The following LASP1 variants were observed in gnomAD, a reference collection of about 807,000 sequenced individuals.
The protein encoded by LASP1 is LIM and SH3 domain protein 1.
Under a neutral mutation model 38.6 loss-of-function variants are expected in LASP1, and 10 were observed. The ratio of observed to expected loss-of-function variants is 0.26; its 90% CI spans 0.16 to 0.44. The LOEUF is 0.44. Among genes scored for constraint, LASP1 ranks in the 20% least tolerant of loss-of-function variants. The pLI is 1.00. For synonymous variants in LASP1, 132 were observed against 140.8 expected, an observed-to-expected ratio of 0.94 and a Z score of 0.44; for missense variants, 243 against 375.7, an observed-to-expected ratio of 0.65 and a Z score of 2.92.
intron 4 of LASP1, among the ~76,000 whole-genome samples, chr17:38,901,882 C>CAGCCTCGTGAGT (rs1457452520): frequency 6.6e-6 from 1 of 152,106 alleles, no homozygotes; most frequent in Non-Finnish European, 1.5e-5. Context: ...TCTGCTGCCT[C>CAGCCTCGTGAGT]AGCCTCGTGA....
chr17:38,889,424 C>T (rs940937525), intron 2 of LASP1, among the ~76,000 whole-genome samples: 4 of 152,174 alleles, frequency 2.6e-5, no homozygotes, highest in Non-Finnish European at 4.4e-5. Context: ...GCCACTGCGC[C>T]CGGCCTAATT....
chr17:38,920,170 C>T lies in LASP1; in HGVS notation c.*1392C>T, dbSNP rs1915259818. 5.7e-6 allele frequency: 3 copies of T among 528,728 alleles called. No homozygotes were observed. 32.8% of individuals were successfully genotyped at this position (528,728 alleles called of 1,614,324 possible). A position where few individuals can be genotyped will look rare whatever the true frequency, so the allele number is the denominator to read the frequency against. On this transcript the variant is annotated 3_prime_UTR_variant, in exon 7 of 7. Coordinates refer to ENST00000318008, the MANE Select transcript of LASP1 (RefSeq NM_006148.4). ...GGGCTGCCATAGGGTCTGCAGCCTG[C>T]TGGGGCTAAGCGGTGGAGGAAGGCT...
chr17:38,894,798 C>T (rs1268546399), intron 3 of LASP1, among the ~76,000 whole-genome samples: 2 of 152,120 alleles, frequency 1.3e-5, no homozygotes, highest in Non-Finnish European at 1.5e-5. Flanking sequence ...AATGCAGTGG[C>T]GTGATCTTGG....
intron 3 of LASP1, chr17:38,897,038 A>G (rs537710219): frequency 1.0e-5 from 10 of 985,366 alleles, no homozygotes; most frequent in Admixed American, 1.2e-4. Flanking sequence ...GTGCTGGCCC[A>G]GGGCTTCCAG....
In LASP1 at chr17:38,918,825, T is replaced by TCCGTCCTGGGCGTGAC; in HGVS notation, c.*54_*69dup. 1.2e-6 allele frequency: 2 copies of TCCGTCCTGGGCGTGAC among 1,600,672 alleles called. No homozygotes were observed. On this transcript the variant is annotated 3_prime_UTR_variant, in exon 7 of 7. Coordinates refer to ENST00000318008, the MANE Select transcript of LASP1 (RefSeq NM_006148.4). The surrounding 1 kb of genome is among the most constrained non-coding windows in gnomAD (Gnocchi z 4.4). ...CTTCAGCACATTCCACGGCATCGCA[T>TCCGTCCTGGGCGTGAC]CCGTCCTGGGCGTGACCCGTCCATT... is the stretch of plus-strand genomic sequence containing the variant.
At chr17:38,897,581 T>C (rs1037383703) in intron 3 of LASP1, among the ~76,000 whole-genome samples, 3 of 152,234 alleles carry the variant, frequency 2.0e-5, no homozygotes, top group Admixed American at 6.5e-5. Context: ...TCAATTCCTT[T>C]CGTGCCAGGG....
intron 3 of LASP1, among the ~76,000 whole-genome samples, chr17:38,891,202 G>A (rs1221069173): frequency 8.6e-5 from 13 of 151,796 alleles, no homozygotes; most frequent in Admixed American, 8.5e-4. Context: ...ATGAGGTGGG[G>A]TGGGGTGGGG....
chr17:38,892,507 G>C (rs1383702963), intron 3 of LASP1, among the ~76,000 whole-genome samples: 1 of 151,888 alleles, frequency 6.6e-6, no homozygotes, highest in African/African-American at 2.4e-5. Context: ...GGCTCAGAAG[G>C]ACCTCGGAGA....
chr17:38,870,339 T>C, intron 1 of LASP1, 81 bp downstream of exon 1: 2 of 1,487,356 alleles, frequency 1.3e-6, no homozygotes, highest in Non-Finnish European at 1.9e-6. Context: ...GCCGGGTCTT[T>C]GCCGCCTTAT....
At chr17:38,911,540 C>A (rs1367232839) in intron 4 of LASP1, among the ~76,000 whole-genome samples, 4 of 152,196 alleles carry the variant, frequency 2.6e-5, no homozygotes, top group Non-Finnish European at 5.9e-5. Flanking sequence ...TTGTCTTCCC[C>A]CACCACCCCA....
At chr17:38,916,494 G>A (rs914537522) in intron 6 of LASP1, 1 of 151,982 alleles carries the variant, frequency 6.6e-6, no homozygotes, top group Non-Finnish European at 1.5e-5. Context: ...TTGAACCCGA[G>A]AGGCAGAGGT....
chr17:38,912,089 C>T (rs1598120996), intron 4 of LASP1, among the ~76,000 whole-genome samples: 2 of 152,234 alleles, frequency 1.3e-5, no homozygotes, highest in South Asian at 2.1e-4. Context: ...CCACCGTGCT[C>T]GGCCTCACCA....
intron 6 of LASP1, chr17:38,915,946 A>G (rs1915109750): frequency 6.6e-6 from 1 of 152,234 alleles, no homozygotes; most frequent in South Asian, 2.1e-4. Context: ...GCCTGAGATA[A>G]TGGCTGGCTG....
chr17:38,908,411 TGGACAGGGATCACTAAGAGAGTGG>T (rs1914830974), intron 4 of LASP1, among the ~76,000 whole-genome samples: 1 of 152,212 alleles, frequency 6.6e-6, no homozygotes, highest in Admixed American at 6.5e-5. Flanking sequence ...CCAACACCAG[TGGACAGGGATCACTAAGAGAGTGG>T]GGCTCGGGAG....
chr17:38,892,000 T>G (rs112901), intron 3 of LASP1, among the ~76,000 whole-genome samples: 103,411 of 151,628 alleles, frequency 0.68, 36,565 homozygotes, highest in African/African-American at 0.87. Context: ...GAGGCGGGAG[T>G]ATCACTTGAG....
At chr17:38,883,634 T>C (rs1002900867) in intron 2 of LASP1, among the ~76,000 whole-genome samples, 1 of 152,158 alleles carries the variant, frequency 6.6e-6, no homozygotes, top group African/African-American at 2.4e-5. Flanking sequence ...GGGATCACTT[T>C]GCTTCCTAAC....
At chr17:38,901,920 C>T (rs1001124155) in intron 4 of LASP1, among the ~76,000 whole-genome samples, 1 of 152,088 alleles carries the variant, frequency 6.6e-6, no homozygotes, top group African/African-American at 2.4e-5. Flanking sequence ...CGCCCGCCAC[C>T]ACGCCCGGCT....
chr17:38,874,445 C>T (rs1260813779), intron 1 of LASP1, among the ~76,000 whole-genome samples: 4 of 152,062 alleles, frequency 2.6e-5, no homozygotes, highest in Non-Finnish European at 5.9e-5. Context: ...AGGGACTGGC[C>T]ATTTTCTGCC....
Position 38,919,839 on chromosome 17 carries a change from A to G in LASP1, c.*1061A>G, listed in dbSNP as rs1022548621. On this transcript the variant is annotated 3_prime_UTR_variant, in exon 7 of 7. Transcript: ENST00000318008. ...AGACCTGGTGTGCGGAGGCAGGAGC[A>G]TGTATGTCTGCAGGTGTCTGACACG... The G allele has an allele frequency of 1.8e-5, 8 of 455,446 alleles. No individual in the cohort carries two copies. Among genetic ancestry groups the G allele is most frequent in the East Asian group, 4.0e-5 (1 of 25,074 alleles). The allele number at this position is 455,446 out of a possible 1,614,324, so 28.2% of individuals were successfully genotyped here. A position where few individuals can be genotyped will look rare whatever the true frequency, so the allele number is the denominator to read the frequency against.
Sources: gnomAD v4.1 joint callset for allele counts (sites outside exome capture counted in the v4.1 genomes callset) on GRCh38, gnomAD v4.1.1 for gene constraint, Gnocchi (gnomAD v3.1) non-coding constraint, MANE v1.5 for transcripts, NCBI Gene and HGNC (gene_info 2026-07-23, HGNC 2026-07-21) for gene names.